Variants in TULP4 observed in about 807,000 individuals in gnomAD.
The protein encoded by TULP4 is tubby-related protein 4.
Under a neutral mutation model 129.0 loss-of-function variants are expected in TULP4, and 16 were observed. The observed-to-expected ratio is 0.12, with a 90% CI of 0.08 to 0.19. The LOEUF is 0.19. TULP4 is among the 10% of genes least tolerant of loss of function. The probability of loss-of-function intolerance (pLI) is 1.00; values close to 1 mark genes in which losing one functional copy is unlikely to be tolerated. For missense variants in TULP4, 1,842 were observed against 2,059.1 expected, an observed-to-expected ratio of 0.89 and a Z score of 2.04; for synonymous variants, 998 against 854.0, an observed-to-expected ratio of 1.17 and a Z score of -2.94.
Position 158,503,202 on chromosome 6 carries a change from C to CT in TULP4, c.3542dup (p.Gln1182ProfsTer15). 2 of 1,614,100 alleles carry CT rather than the reference C, an allele frequency of 1.2e-6. No homozygotes were observed. The highest frequency in any genetic ancestry group is 1.7e-6 in the Non-Finnish European group (2 of 1,179,970). On this transcript the variant is annotated frameshift_variant, in exon 13 of 14. Coordinates refer to ENST00000367097, the MANE Select transcript of TULP4 (RefSeq NM_020245.5). LOFTEE classifies it high-confidence loss of function. This position sits in a 1 kb window ranked among gnomAD's most constrained non-coding sequence, Gnocchi z 4.3. ...AAGTCTCCTGCCAGCCCCACTGCCA[C>CT]TTTCCAAACAGGCTATGGGATGGGA...
intron 1 of TULP4, among the ~76,000 whole-genome samples, chr6:158,246,195 A>G (rs1778028156): frequency 6.6e-6 from 1 of 152,130 alleles, no homozygotes; most frequent in Non-Finnish European, 1.5e-5. Flanking sequence ...CTCACTACCT[A>G]TTTAGCTAAA....
At chr6:158,368,427 C>CA (rs1169681577) in intron 1 of TULP4, among the ~76,000 whole-genome samples, 9 of 152,170 alleles carry the variant, frequency 5.9e-5, no homozygotes, top group Non-Finnish European at 1.2e-4. Flanking sequence ...CTCAGCCTCC[C>CA]AAGTAGCTGG....
At chr6:158,286,044 G>A (rs1162248140) in intron 1 of TULP4, among the ~76,000 whole-genome samples, 2 of 152,134 alleles carry the variant, frequency 1.3e-5, no homozygotes, top group Non-Finnish European at 1.5e-5. Context: ...GATGTAAATT[G>A]GTGTTTTGTT....
intron 1 of TULP4, among the ~76,000 whole-genome samples, chr6:158,297,894 G>C (rs1314921276): frequency 3.3e-5 from 5 of 152,168 alleles, no homozygotes; most frequent in Non-Finnish European, 1.5e-5. Flanking sequence ...ACTCTAGTAA[G>C]CCTGAGGGTA....
chr6:158,385,629 A>G (rs1777422678), intron 1 of TULP4, among the ~76,000 whole-genome samples: 2 of 149,484 alleles, frequency 1.3e-5, no homozygotes, highest in African/African-American at 4.9e-5. Context: ...TACATATTAT[A>G]TATAAAATAT....
chr6:158,256,992 G>A (rs558758238), intron 1 of TULP4, among the ~76,000 whole-genome samples: 1 of 152,148 alleles, frequency 6.6e-6, no homozygotes, highest in Non-Finnish European at 1.5e-5. Context: ...TGGCTGATAG[G>A]AAACCAGCAG....
intron 1 of TULP4, among the ~76,000 whole-genome samples, chr6:158,232,568 G>C (rs938931181): frequency 6.6e-6 from 1 of 152,032 alleles, no homozygotes; most frequent in African/African-American, 2.4e-5. Flanking sequence ...CCGCGTGTGA[G>C]AAAATGGGGC....
chr6:158,312,286 G>T, upstream of TULP4: 2 of 395,188 alleles, frequency 5.1e-6, no homozygotes, highest in Non-Finnish European at 8.9e-6. Context: ...ACACCAGTGG[G>T]CTCAGGAGCC....
At chr6:158,489,806 G>C (rs1454660165) in intron 9 of TULP4, 74 bp downstream of exon 9, 1 of 1,568,488 alleles carries the variant, frequency 6.4e-7, no homozygotes. Context: ...CAACAGAATC[G>C]CATTGAAACT....
In TULP4 at chr6:158,505,857, A is replaced by C. The variant is rs368057956; in HGVS notation, c.4516-721A>C. ...TCATTTGGCCTGTAGCATTCACCCCATTCTTTTTTTTTTTTCTTTTTTCTT... is the reference window on the plus strand; with the variant it reads ...TCATTTGGCCTGTAGCATTCACCCCCTTCTTTTTTTTTTTTCTTTTTTCTT... On this transcript the variant is annotated intron_variant, in intron 13 of 13. Coordinates refer to ENST00000367097, the MANE Select transcript of TULP4 (RefSeq NM_020245.5). Among the ~76,000 whole-genome samples the C allele has an allele frequency of 2.7e-4, 40 of 146,336 alleles. 2 individuals carry two copies. Among genetic ancestry groups the C allele is most frequent in the African/African-American group, 9.7e-4 (39 of 40,000 alleles).
intron 6 of TULP4, among the ~76,000 whole-genome samples, chr6:158,472,428 T>G (rs1353078552): frequency 5.3e-5 from 8 of 152,230 alleles, no homozygotes; most frequent in Non-Finnish European, 7.3e-5. Flanking sequence ...ATTCTTTTTT[T>G]CATTGAGGGT....
At chr6:158,494,927 T>A in intron 11 of TULP4, 81 bp downstream of exon 11, 1 of 1,176,154 alleles carries the variant, frequency 8.5e-7, no homozygotes, top group Non-Finnish European at 1.2e-6. Flanking sequence ...TGGCTTAAAC[T>A]AGGAGATGAA....
intron 1 of TULP4, among the ~76,000 whole-genome samples, chr6:158,346,795 T>C (rs1478482572): frequency 1.9e-5 from 2 of 104,544 alleles, no homozygotes; most frequent in Non-Finnish European, 3.8e-5. Context: ...AAGGTTTACA[T>C]TTTTCTCCTT....
At chr6:158,317,915 T>C (rs1350615061) in intron 1 of TULP4, among the ~76,000 whole-genome samples, 1 of 152,234 alleles carries the variant, frequency 6.6e-6, no homozygotes, top group South Asian at 2.1e-4. Context: ...CCAGTGATGA[T>C]GAGCATTTTT....
intron 2 of TULP4, among the ~76,000 whole-genome samples, chr6:158,421,137 G>A (rs576689794): frequency 2.0e-5 from 3 of 152,062 alleles, no homozygotes; most frequent in Non-Finnish European, 4.4e-5. Flanking sequence ...TGAGGTGGGC[G>A]GATCACGAGG....
chr6:158,382,257 A>T (rs551844246), intron 1 of TULP4, among the ~76,000 whole-genome samples: 6 of 152,056 alleles, frequency 3.9e-5, no homozygotes, highest in Non-Finnish European at 7.4e-5. Flanking sequence ...GTATCTGTCT[A>T]TTTTGTTTTG....
rs1779392139 is a variant in TULP4 at position 158,312,830 on chromosome 6, A to G, written c.-1187A>G. On this transcript the variant is annotated 5_prime_UTR_variant, in exon 1 of 14. Coordinates refer to ENST00000367097, the MANE Select transcript of TULP4 (RefSeq NM_020245.5). The stretch of plus-strand genomic sequence containing the variant: ...TTGGAGACAGTCTCTGAATGTGAAC[A>G]GGAAAGCACCCATCAGCAAAACACT... 1 of 152,228 alleles carries G rather than the reference A, an allele frequency of 6.6e-6. No individual in the cohort carries two copies. The highest frequency in any genetic ancestry group is 2.4e-5 in the African/African-American group (1 of 41,454). The allele number at this position is 152,228 out of a possible 1,614,324, so 9.4% of individuals were successfully genotyped here.
At chr6:158,466,497 G>A (rs1271206526) in intron 6 of TULP4, among the ~76,000 whole-genome samples, 2 of 152,100 alleles carry the variant, frequency 1.3e-5, no homozygotes, top group Non-Finnish European at 2.9e-5. Flanking sequence ...ATCTTCTTTT[G>A]AGAAATGTGT....
intron 1 of TULP4, among the ~76,000 whole-genome samples, chr6:158,296,044 T>TA: frequency 6.6e-6 from 1 of 152,386 alleles, no homozygotes; most frequent in African/African-American, 2.4e-5. Flanking sequence ...TATTCTCTAT[T>TA]AACTGATAAA....
Sources: gnomAD v4.1 joint callset for allele counts (sites outside exome capture counted in the v4.1 genomes callset) on GRCh38, gnomAD v4.1.1 for gene constraint, Gnocchi (gnomAD v3.1) non-coding constraint, MANE v1.5 for transcripts, NCBI Gene and HGNC (gene_info 2026-07-23, HGNC 2026-07-21) for gene names.